Variants in LOC400499 observed in about 807,000 individuals in gnomAD.
chr16:11,381,293 C>T, the LOC400499 span, among the ~76,000 whole-genome samples: 1 of 152,166 alleles, frequency 6.6e-6, no homozygotes, highest in African/African-American at 2.4e-5. Context: ...GTCACGCAGG[C>T]AGGAGTGTGA....
At chr16:11,516,586 C>T in the LOC400499 span, among the ~76,000 whole-genome samples, 2 of 152,230 alleles carry the variant, frequency 1.3e-5, no homozygotes, top group African/African-American at 2.4e-5. Flanking sequence ...ACCCCAAGAG[C>T]TGCCTGCATT....
the LOC400499 span, among the ~76,000 whole-genome samples, chr16:11,410,038 A>G: frequency 0.41 from 61,945 of 152,072 alleles, 13,289 homozygotes; most frequent in Non-Finnish European, 0.48. Context: ...CAGCTACTCC[A>G]GAGGCTGAGG....
chr16:11,520,511 G>C, the LOC400499 span, among the ~76,000 whole-genome samples: 2 of 152,074 alleles, frequency 1.3e-5, no homozygotes, highest in African/African-American at 4.8e-5. Context: ...ACAAAAATTA[G>C]CCAGGCGTGG....
At chr16:11,521,224 A>G in the LOC400499 span, among the ~76,000 whole-genome samples, 2 of 152,330 alleles carry the variant, frequency 1.3e-5, no homozygotes, top group South Asian at 4.1e-4. Context: ...TGCTCCAGCC[A>G]GTACAAAAAT....
At chr16:11,462,373 G>C in the LOC400499 span, 1 of 1,400,346 alleles carries the variant, frequency 7.1e-7, no homozygotes, top group Non-Finnish European at 9.3e-7. Flanking sequence ...CACACGAACT[G>C]GGACCAGACA....
the LOC400499 span, chr16:11,385,205 G>A: frequency 4.9e-6 from 6 of 1,232,118 alleles, no homozygotes; most frequent in Non-Finnish European, 5.1e-6. Context: ...TGCCTCTCCT[G>A]CTCACCTGCA....
chr16:11,507,301 G>C, the LOC400499 span, among the ~76,000 whole-genome samples: 1 of 152,288 alleles, frequency 6.6e-6, no homozygotes, highest in African/African-American at 2.4e-5. Flanking sequence ...TGATGATGGT[G>C]GTATCCAGTG....
chr16:11,423,250 A>G, the LOC400499 span: 230 of 399,230 alleles, frequency 5.8e-4, 2 homozygotes, highest in East Asian at 7.7e-3. Flanking sequence ...TCTCCACTGC[A>G]GTTGACCTAC....
chr16:11,376,601 C>A, the LOC400499 span, among the ~76,000 whole-genome samples: 1 of 152,298 alleles, frequency 6.6e-6, no homozygotes, highest in South Asian at 2.1e-4. Context: ...TAGCTTTCAA[C>A]AAATTTTGAA....
At chr16:11,415,574 G>A in the LOC400499 span, among the ~76,000 whole-genome samples, 7,096 of 152,262 alleles carry the variant, frequency 0.047, 566 homozygotes, top group African/African-American at 0.16. Context: ...TCAACATTCA[G>A]CCACATGTAC....
chr16:11,401,667 C>T, the LOC400499 span, among the ~76,000 whole-genome samples: 2 of 152,358 alleles, frequency 1.3e-5, no homozygotes, highest in Admixed American at 6.5e-5. Flanking sequence ...CCACTGTCTT[C>T]CCTTAGCTCT....
At chr16:11,459,353 C>T in the LOC400499 span, among the ~76,000 whole-genome samples, 4 of 151,832 alleles carry the variant, frequency 2.6e-5, no homozygotes, top group African/African-American at 9.7e-5. Flanking sequence ...CCTGCCCCCG[C>T]GCCCAGCTAA....
chr16:11,396,578 A>C, the LOC400499 span: 2 of 1,232,150 alleles, frequency 1.6e-6, no homozygotes, highest in Non-Finnish European at 2.0e-6. Context: ...GCTGAGATGC[A>C]GGCCGTGGTC....
chr16:11,417,343 G>C, the LOC400499 span, among the ~76,000 whole-genome samples: 1 of 152,236 alleles, frequency 6.6e-6, no homozygotes, highest in Middle Eastern at 3.4e-3. Context: ...CCCTGCCTCA[G>C]CCTCCCGAGT....
chr16:11,391,748 C>G, the LOC400499 span: 1 of 1,232,214 alleles, frequency 8.1e-7, no homozygotes, highest in Non-Finnish European at 1.0e-6. Context: ...GTGCCTGGCT[C>G]CGGGCCCACA....
chr16:11,402,369 G>A, the LOC400499 span: 2 of 386,268 alleles, frequency 5.2e-6, no homozygotes, highest in African/African-American at 2.1e-5. Flanking sequence ...CACTGTCCCT[G>A]TGGGAGCCCC....
the LOC400499 span, chr16:11,417,511 G>A: frequency 7.5e-6 from 3 of 397,772 alleles, no homozygotes; most frequent in Admixed American, 4.4e-5. Context: ...TTGTCCTGGA[G>A]CCCAGAGCCA....
chr16:11,488,692 G>T, the LOC400499 span: 1 of 398,890 alleles, frequency 2.5e-6, no homozygotes, highest in Non-Finnish European at 4.4e-6. Context: ...GACAGGGGCT[G>T]CCCAGGATGG....
the LOC400499 span, chr16:11,372,108 G>C: frequency 6.6e-6 from 1 of 152,208 alleles, no homozygotes; most frequent in South Asian, 2.1e-4. Flanking sequence ...ATGTAGCCTG[G>C]AGGCCTGAGT....
Sources: allele counts gnomAD v4.1 joint callset (sites outside exome capture counted in the v4.1 genomes callset), GRCh38; gene constraint gnomAD v4.1.1; transcripts MANE v1.5.